Variants in MGAM2 observed in about 807,000 individuals in gnomAD.
The protein encoded by MGAM2 is maltase-glucoamylase 2 (putative).
Under a neutral mutation model 96.1 loss-of-function variants are expected in MGAM2, and 98 were observed. The ratio of observed to expected loss-of-function variants is 1.02; its 90% confidence interval spans 0.87 to 1.21. The LOEUF is 1.21. Among genes scored for constraint, MGAM2 ranks in the 50% most tolerant of loss-of-function variants. The pLI is 0.00. For missense variants in MGAM2, 2,055 were observed against 1,182.4 expected, an observed-to-expected ratio of 1.74 and a Z score of -10.82; for synonymous variants, 749 against 414.8, an observed-to-expected ratio of 1.81 and a Z score of -9.79.
At position 142,154,688 on chromosome 7, in the gene MGAM2, T is replaced by C. The variant is rs1795683067; in HGVS notation, c.1807-41T>C. On this transcript the variant is annotated intron_variant, in intron 16 of 47. Coordinates refer to ENST00000477922, the MANE Select transcript of MGAM2 (RefSeq NM_001293626.2). ...TAAATCTTCACTACATGCTTTCGCC[T>C]CTCATTGACCACAGTGCTTGTATGT... 5.7e-6 allele frequency: 4 copies of C among 698,496 alleles called. No homozygotes were observed. In the East Asian group the frequency reaches 1.1e-4, roughly 19 times the overall value. The allele number at this position is 698,496 out of a possible 1,614,324, so 43.3% of individuals were successfully genotyped here. A position where few individuals can be genotyped will look rare whatever the true frequency, so the allele number is the denominator to read the frequency against.
intron 37 of MGAM2, among the ~76,000 whole-genome samples, chr7:142,194,270 G>C (rs1796959566): frequency 1.3e-5 from 2 of 152,194 alleles, no homozygotes; most frequent in African/African-American, 2.4e-5. Flanking sequence ...GACTTCAGGT[G>C]ATCCATCTGC....
chr7:142,196,342 T>C (rs1328194691), intron 38 of MGAM2, 55 bp downstream of exon 38: 1 of 682,618 alleles, frequency 1.5e-6, no homozygotes, highest in South Asian at 1.6e-5. Context: ...CTGGAGTTTG[T>C]GCTGTTCAAC....
intron 23 of MGAM2, among the ~76,000 whole-genome samples, 188 bp from the exon 24 acceptor site, chr7:142,164,668 C>T (rs990613871): frequency 6.6e-6 from 1 of 152,046 alleles, no homozygotes; most frequent in Non-Finnish European, 1.5e-5. Flanking sequence ...TGAAATATTA[C>T]TTAAAAATTT....
chr7:142,154,768 G>C lies in MGAM2; in HGVS notation c.1846G>C (p.Glu616Gln), dbSNP rs1274212630. 1.4e-6 allele frequency: 1 copy of C among 703,448 alleles called. No homozygotes were observed. The highest frequency in any genetic ancestry group is 2.7e-5 in the East Asian group (1 of 37,280). 43.6% of individuals were successfully genotyped at this position (703,448 alleles called of 1,614,324 possible). ...CTGTGGTTATAACAACAATGTCACA[G>C]AGGAGCTCTGCAGAAGGTGGATGCA... Reference protein sequence around the residue: ...NICGYNNNVTEELCRRWMQLG... With the variant: ...NICGYNNNVTQELCRRWMQLG... The change falls in exon 17 of 48, where the codon GAG (glutamate) becomes CAG (glutamine). Residue 616 changes from glutamate to glutamine, a missense_variant. Physicochemically the swap from Glu to Gln is conservative, Grantham distance 29. Coordinates refer to ENST00000477922, the MANE Select transcript of MGAM2 (RefSeq NM_001293626.2).
In MGAM2 at chr7:142,220,408, C is replaced by T. The variant is rs1323139751; in HGVS notation, c.5897C>T (p.Thr1966Ile). 1 of 702,584 alleles carries T rather than the reference C, an allele frequency of 1.4e-6. No individual in the cohort carries two copies. Among genetic ancestry groups the T allele is most frequent in the African/African-American group, 1.7e-5 (1 of 57,296 alleles). The allele number at this position is 702,584 out of a possible 1,614,324, so 43.5% of individuals were successfully genotyped here. A position where few individuals can be genotyped will look rare whatever the true frequency, so the allele number is the denominator to read the frequency against. The change falls in exon 48 of 48, where the codon ACA becomes ATA. Residue 1966 changes from threonine to isoleucine, a missense_variant. Thr to Ile is a moderately conservative substitution (Grantham distance 89, BLOSUM62 -1). Coordinates refer to ENST00000477922, the MANE Select transcript of MGAM2 (RefSeq NM_001293626.2). Reference protein sequence around the residue: ...TVPDTTAPFPTNTTTASTNAT... With the variant: ...TVPDTTAPFPINTTTASTNAT... ...CCCGATACAACTGCCCCTTTCCCAA[C>T]AAATACTACTACTGCTAGCACTAAT...
At chr7:142,118,451 A>T (rs1252830384) in intron 2 of MGAM2, among the ~76,000 whole-genome samples, 1 of 152,214 alleles carries the variant, frequency 6.6e-6, no homozygotes, top group African/African-American at 2.4e-5. Flanking sequence ...GTTTTGAATC[A>T]AAACGAAAGC....
chr7:142,183,115 C>A lies in MGAM2; in HGVS notation c.3817-151C>A, dbSNP rs1012742132. 68 of 580,588 alleles carry A rather than the reference C, an allele frequency of 1.2e-4. No homozygotes were observed. The South Asian group carries it at 1.3e-3, about 11-fold the overall frequency. 36.0% of individuals were successfully genotyped at this position (580,588 alleles called of 1,614,324 possible). ...GTAATATATGCAGTAAGACATAAGG[C>A]AAATTATCAATGATTTTTATTTTAT... On this transcript the variant is annotated intron_variant, in intron 32 of 47. Transcript: ENST00000477922.
intron 3 of MGAM2, among the ~76,000 whole-genome samples, chr7:142,123,950 A>C (rs547888317): frequency 6.6e-6 from 1 of 150,480 alleles, no homozygotes; most frequent in East Asian, 2.0e-4. Context: ...GGTATCAGGT[A>C]AGAGTCCAGA....
chr7:142,183,819 T>C (rs1796611273), intron 33 of MGAM2, among the ~76,000 whole-genome samples: 1 of 152,114 alleles, frequency 6.6e-6, no homozygotes, highest in African/African-American at 2.4e-5. Context: ...TCAATCTTCA[T>C]CTTTATATGT....
intron 7 of MGAM2, among the ~76,000 whole-genome samples, chr7:142,135,810 TTCTTTC>T (rs1936989420): frequency 2.0e-5 from 3 of 151,852 alleles, no homozygotes. Context: ...TCAATATTTT[TTCTTTC>T]TCTTTCTATC....
In MGAM2 at chr7:142,138,610, T is replaced by C. The variant is rs1328278033; in HGVS notation, c.1029T>C (p.Gly343=). The part of the protein sequence containing the change: ...LGFQLSRRDY[G]GINKLKEVVS... ...TCCAGCTTAGTCGCAGGGACTATGG[T>C]GGCATCAATAAATTGAAAGAAGTTG... is the stretch of plus-strand genomic sequence containing the variant. Residue 343 remains glycine, a synonymous_variant, in exon 10 of 48, where the codon GGT becomes GGC. Coordinates refer to ENST00000477922, the MANE Select transcript of MGAM2 (RefSeq NM_001293626.2). The C allele has an allele frequency of 5.7e-6, 4 of 702,966 alleles. No homozygotes were observed. The Admixed American group carries it at 6.0e-5, about 11-fold the overall frequency. 43.5% of individuals were successfully genotyped at this position (702,966 alleles called of 1,614,324 possible). A position where few individuals can be genotyped will look rare whatever the true frequency, so the allele number is the denominator to read the frequency against.
chr7:142,159,705 C>T (rs961981377), intron 20 of MGAM2, among the ~76,000 whole-genome samples: 6 of 152,178 alleles, frequency 3.9e-5, no homozygotes, highest in Non-Finnish European at 7.3e-5. Flanking sequence ...CCCCTTAATA[C>T]TATCACTCTG....
At position 142,218,433 on chromosome 7, in the gene MGAM2, A is replaced by C. The variant is rs554688143; in HGVS notation, c.5260A>C (p.Arg1754=). 6.3e-5 allele frequency: 44 copies of C among 702,702 alleles called. No homozygotes were observed. The East Asian group carries it at 1.1e-3, about 18-fold the overall frequency. The allele number at this position is 702,702 out of a possible 1,614,324, so 43.5% of individuals were successfully genotyped here. ...DSNPLKVGYI[R]IWGVNTYVTQ... ...GAATCCACTAAAAGTTGGGTATATT[A>C]GAATCTGGGGTGTGAATACCTATGT... is the stretch of plus-strand genomic sequence containing the variant. Residue 1754 remains arginine, a synonymous_variant, in exon 47 of 48, where the codon AGA becomes CGA. Coordinates refer to ENST00000477922, the MANE Select transcript of MGAM2 (RefSeq NM_001293626.2).
At chr7:142,191,781 T>C (rs571748327) in intron 37 of MGAM2, among the ~76,000 whole-genome samples, 7 of 152,314 alleles carry the variant, frequency 4.6e-5, no homozygotes, top group South Asian at 2.1e-4. Flanking sequence ...AGTTTTTACA[T>C]TGAGTCTATA....
In MGAM2 at chr7:142,160,271, C is replaced by T. The variant is rs965074581; in HGVS notation, c.2345+13C>T. The T allele has an allele frequency of 5.8e-6, 4 of 692,562 alleles. No individual in the cohort carries two copies. Among genetic ancestry groups the T allele is most frequent in the Admixed American group, 2.1e-5 (1 of 48,606 alleles). 42.9% of individuals were successfully genotyped at this position (692,562 alleles called of 1,614,324 possible). A position where few individuals can be genotyped will look rare whatever the true frequency, so the allele number is the denominator to read the frequency against. ...CCACAGAAGCCAGGTAAGCTCCTTA[C>T]TCTTCTAAGGTATGACTATTCTGGT... On this transcript the variant is annotated intron_variant, in intron 21 of 47. Transcript: ENST00000477922.
At chr7:142,143,203 T>C (rs1795284206) in intron 12 of MGAM2, among the ~76,000 whole-genome samples, 1 of 152,194 alleles carries the variant, frequency 6.6e-6, no homozygotes, top group African/African-American at 2.4e-5. Flanking sequence ...TTTTCAAAAA[T>C]TTGGCTATGG....
At chr7:142,168,246 C>T (rs2129089020) in intron 26 of MGAM2, among the ~76,000 whole-genome samples, 1 of 151,876 alleles carries the variant, frequency 6.6e-6, no homozygotes, top group Non-Finnish European at 1.5e-5. Flanking sequence ...GGGCTGGGGC[C>T]TAGCCTGAGG....
chr7:142,205,040 G>A (rs6955494), intron 45 of MGAM2, among the ~76,000 whole-genome samples: 1,593 of 152,176 alleles, frequency 0.01, 29 homozygotes, highest in African/African-American at 0.034. Flanking sequence ...AAAGATGAAC[G>A]TTTAATCAGG....
intron 10 of MGAM2, among the ~76,000 whole-genome samples, chr7:142,139,834 T>C (rs1386581905): frequency 2.6e-5 from 4 of 151,976 alleles, no homozygotes; most frequent in Non-Finnish European, 5.9e-5. Flanking sequence ...CAATGTGTTT[T>C]GGTGTCAAAG....
Sources: gnomAD v4.1 joint callset for allele counts (sites outside exome capture counted in the v4.1 genomes callset) on GRCh38, gnomAD v4.1.1 for gene constraint, MANE v1.5 for transcripts, NCBI Gene and HGNC (gene_info 2026-07-23, HGNC 2026-07-21) for gene names.